Variants in CDC42SE2 observed in about 807,000 individuals in gnomAD.
CDC42SE2 encodes CDC42 small effector protein 2.
A neutral mutation model predicts 11.5 loss-of-function variants in CDC42SE2; 3 were observed. That is an observed-to-expected ratio of 0.26 (90% CI 0.12 to 0.67). The LOEUF is 0.67. Ranked by LOEUF, CDC42SE2 falls within the 30% of genes least tolerant of loss-of-function variation. CDC42SE2 has a pLI of 0.80. For missense variants in CDC42SE2, 82 were observed against 106.8 expected (o/e 0.77, Z 1.02); for synonymous variants, 33 against 34.8 (o/e 0.95, Z 0.18).
Position 131,311,705 on chromosome 5 carries a change from G to A in CDC42SE2, c.-454-4271G>A, listed in dbSNP as rs145508964. ...CATTTCATTCATCTCATCTTCCATC[G>A]CTGATACCCTTTCTTCCAGTTGATC... On this transcript the variant is annotated intron_variant, in intron 1 of 4. Transcript: ENST00000505065. Among the ~76,000 whole-genome samples, 1,065 of 151,856 alleles carry A rather than the reference G, an allele frequency of 7.0e-3. 7 individuals carry two copies. Among genetic ancestry groups the A allele is most frequent in the African/African-American group, 0.013 (531 of 41,382 alleles).
intron 1 of CDC42SE2, among the ~76,000 whole-genome samples, chr5:131,280,084 A>T (rs1400375279): frequency 6.6e-6 from 1 of 152,146 alleles, no homozygotes; most frequent in Non-Finnish European, 1.5e-5. Flanking sequence ...AATTGAACTT[A>T]GTTGGCTCGG....
intron 2 of CDC42SE2, among the ~76,000 whole-genome samples, chr5:131,318,757 A>G (rs542118335): frequency 6.6e-6 from 1 of 152,178 alleles, no homozygotes; most frequent in South Asian, 2.1e-4. Context: ...ATTTTTGTGA[A>G]AACTTTCTAG....
Position 131,345,749 on chromosome 5 carries a change from G to A in CDC42SE2, c.-285-13460G>A, listed in dbSNP as rs565045689. 2.4e-4 allele frequency among the ~76,000 whole-genome samples: 35 copies of A among 148,584 alleles called. No individual in the cohort carries two copies. The East Asian group carries it at 5.5e-3, about 23-fold the overall frequency. ...AAAAAATGTTAAGGGCAGCCAGAGA[G>A]AAAGGTCGGGTTACCCACAAAGGGA... On this transcript the variant is annotated intron_variant, in intron 2 of 4. Coordinates refer to ENST00000505065, the MANE Select transcript of CDC42SE2 (RefSeq NM_001375635.1).
intron 3 of CDC42SE2, among the ~76,000 whole-genome samples, chr5:131,383,951 T>C (rs568682200): frequency 6.8e-4 from 104 of 152,324 alleles, no homozygotes; most frequent in African/African-American, 2.5e-3. Context: ...TGGAAGATTA[T>C]AGACACACAC....
intron 1 of CDC42SE2, among the ~76,000 whole-genome samples, chr5:131,277,764 C>T (rs1019262243): frequency 1.4e-4 from 22 of 152,186 alleles, no homozygotes; most frequent in Admixed American, 7.2e-4. Context: ...TCACCTCCTG[C>T]TTCCTCACCA....
chr5:131,257,774 G>A (rs758888624), intron 2 of CDC42SE2, among the ~76,000 whole-genome samples: 6 of 151,980 alleles, frequency 3.9e-5, no homozygotes, highest in Non-Finnish European at 5.9e-5. Flanking sequence ...CACCGCGCTC[G>A]GCCCCACCTG....
At chr5:131,249,298 G>A (rs958655315) in intron 1 of CDC42SE2, among the ~76,000 whole-genome samples, 6 of 151,496 alleles carry the variant, frequency 4.0e-5, no homozygotes, top group Admixed American at 1.3e-4. Flanking sequence ...GATTACAGGC[G>A]TGAGCCACCA....
At chr5:131,292,583 C>A (rs1435929850) in intron 1 of CDC42SE2, among the ~76,000 whole-genome samples, 96 of 131,464 alleles carry the variant, frequency 7.3e-4, no homozygotes, top group African/African-American at 2.0e-3. Context: ...AAACAAAAAA[C>A]AAAAAACTTG....
intron 1 of CDC42SE2, among the ~76,000 whole-genome samples, chr5:131,272,398 G>C (rs1318704751): frequency 6.6e-6 from 1 of 151,978 alleles, no homozygotes; most frequent in Non-Finnish European, 1.5e-5. Flanking sequence ...CAAACCTCTA[G>C]CCTCCCTTTT....
chr5:131,352,452 A>G (rs780796439), intron 2 of CDC42SE2, among the ~76,000 whole-genome samples: 2 of 152,242 alleles, frequency 1.3e-5, no homozygotes, highest in Non-Finnish European at 2.9e-5. Flanking sequence ...TGCATGCTGT[A>G]TAATTATATT....
upstream of CDC42SE2, among the ~76,000 whole-genome samples, chr5:131,261,913 CTTT>C (rs780842618): frequency 3.0e-5 from 4 of 134,488 alleles, no homozygotes; most frequent in South Asian, 2.3e-4. Flanking sequence ...CCTTAATTGA[CTTT>C]TTTTTTTTTT....
At chr5:131,382,069 A>G (rs544820823) in intron 3 of CDC42SE2, among the ~76,000 whole-genome samples, 14 of 152,352 alleles carry the variant, frequency 9.2e-5, no homozygotes, top group Admixed American at 2.6e-4. Context: ...AAACCTTCCA[A>G]TACTAAGGTG....
At chr5:131,242,295 T>C (rs1756546336), upstream of CDC42SE2, among the ~76,000 whole-genome samples, 1 of 152,210 alleles carries the variant, frequency 6.6e-6, no homozygotes, top group South Asian at 2.1e-4. Context: ...AGTACTACCT[T>C]CTTACAAGTG....
intron 4 of CDC42SE2, among the ~76,000 whole-genome samples, chr5:131,386,972 C>T (rs186525765): frequency 1.5e-3 from 235 of 152,258 alleles, no homozygotes; most frequent in African/African-American, 5.4e-3. Context: ...TGAACCTTGC[C>T]GGAAAGGAAA....
chr5:131,278,866 CCTCTGCCTCCTAGGTT>C (rs1256819526), intron 1 of CDC42SE2, among the ~76,000 whole-genome samples: 1 of 138,440 alleles, frequency 7.2e-6, no homozygotes, highest in Non-Finnish European at 1.5e-5. Context: ...CTCACTGCAA[CCTCTGCCTCCTAGGTT>C]CAAGTGATTC....
the CDC42SE2 span, among the ~76,000 whole-genome samples, chr5:131,229,571 G>GT: frequency 4.6e-5 from 7 of 152,160 alleles, no homozygotes; most frequent in Non-Finnish European, 1.0e-4. Flanking sequence ...CTCAGTAATT[G>GT]TTTTTTTAGC....
chr5:131,357,753 T>C (rs1334200719), intron 2 of CDC42SE2, among the ~76,000 whole-genome samples: 1 of 152,204 alleles, frequency 6.6e-6, no homozygotes. Context: ...AAACTTTATA[T>C]CCATTTTTCT....
intron 1 of CDC42SE2, among the ~76,000 whole-genome samples, chr5:131,282,462 A>C (rs377150232): frequency 5.6e-4 from 86 of 152,266 alleles, no homozygotes; most frequent in African/African-American, 2.0e-3. Context: ...AGGTAGTATA[A>C]ATCTGGAACC....
chr5:131,383,430 A>G (rs1187082825), intron 3 of CDC42SE2, among the ~76,000 whole-genome samples: 2 of 152,236 alleles, frequency 1.3e-5, no homozygotes, highest in Non-Finnish European at 1.5e-5. Context: ...GCTTGAAGTA[A>G]AACTAAAGTT....
Sources: gnomAD v4.1 joint callset for allele counts (sites outside exome capture counted in the v4.1 genomes callset) on GRCh38, gnomAD v4.1.1 for gene constraint, MANE v1.5 for transcripts, NCBI Gene and HGNC (gene_info 2026-07-23, HGNC 2026-07-21) for gene names.